Variants in DACH1 observed in about 807,000 individuals in gnomAD.
The protein encoded by DACH1 is dachshund family transcription factor 1.
A neutral mutation model predicts 54.2 loss-of-function variants in DACH1; 12 were observed. The observed-to-expected ratio is 0.22, with a 90% confidence interval of 0.14 to 0.36. The LOEUF (loss-of-function observed/expected upper bound fraction) is 0.36. Ranked by LOEUF, DACH1 falls within the 10% of genes least tolerant of loss-of-function variation. The pLI is 1.00. For missense variants in DACH1, 805 were observed against 929.8 expected (o/e 0.87, Z 1.75); for synonymous variants, 386 against 366.2 (o/e 1.05, Z -0.62).
intron 6 of DACH1, among the ~76,000 whole-genome samples, chr13:71,506,862 G>T (rs1407077150): frequency 2.6e-5 from 4 of 151,300 alleles, no homozygotes; most frequent in Non-Finnish European, 5.9e-5. Flanking sequence ...TATGTAGAAA[G>T]CTGAAACTGG....
At chr13:71,790,245 G>A (rs954596441) in intron 1 of DACH1, among the ~76,000 whole-genome samples, 2 of 151,968 alleles carry the variant, frequency 1.3e-5, no homozygotes, top group Non-Finnish European at 2.9e-5. Flanking sequence ...AAAAACAAAC[G>A]AATGCTTTAG....
At chr13:71,532,519 T>A (rs1452251152) in intron 6 of DACH1, among the ~76,000 whole-genome samples, 1 of 151,886 alleles carries the variant, frequency 6.6e-6, no homozygotes, top group Non-Finnish European at 1.5e-5. Context: ...TAAAAATGAA[T>A]AAATATATAC....
At chr13:71,748,530 C>T (rs1029107112) in intron 1 of DACH1, among the ~76,000 whole-genome samples, 1 of 152,158 alleles carries the variant, frequency 6.6e-6, no homozygotes, top group Non-Finnish European at 1.5e-5. Context: ...TTTCCATCAT[C>T]CCCAGAACAT....
chr13:71,786,290 A>T (rs1305893100), intron 1 of DACH1, among the ~76,000 whole-genome samples: 1 of 152,168 alleles, frequency 6.6e-6, no homozygotes, highest in Non-Finnish European at 1.5e-5. Context: ...TTATAGATCG[A>T]TATAGCTTCT....
intron 1 of DACH1, among the ~76,000 whole-genome samples, chr13:71,735,429 A>G (rs74201330): frequency 3.9e-5 from 1 of 25,666 alleles, no homozygotes; most frequent in African/African-American, 8.9e-5. Context: ...TGGGATATAC[A>G]CGTATACGGA....
chr13:71,829,231 T>C (rs1888495433), intron 1 of DACH1, among the ~76,000 whole-genome samples: 1 of 151,910 alleles, frequency 6.6e-6, no homozygotes, highest in Non-Finnish European at 1.5e-5. Context: ...TGTATTGAAG[T>C]CATCATCGGG....
intron 1 of DACH1, among the ~76,000 whole-genome samples, chr13:71,802,479 A>T (rs913542704): frequency 1.3e-5 from 2 of 152,110 alleles, no homozygotes; most frequent in Non-Finnish European, 2.9e-5. Context: ...AGAAAGACAA[A>T]GAATTAGAAA....
intron 1 of DACH1, among the ~76,000 whole-genome samples, chr13:71,859,678 C>A (rs975753410): frequency 6.6e-6 from 1 of 151,774 alleles, no homozygotes; most frequent in African/African-American, 2.4e-5. Context: ...AGTAATCCAC[C>A]AGTAATCTAA....
At chr13:71,706,191 T>A (rs1882431966) in intron 1 of DACH1, among the ~76,000 whole-genome samples, 2 of 151,910 alleles carry the variant, frequency 1.3e-5, no homozygotes, top group African/African-American at 4.8e-5. Flanking sequence ...TTTTATTATG[T>A]ACAACTTCCT....
At chr13:71,612,597 A>G (rs1566378013) in intron 3 of DACH1, among the ~76,000 whole-genome samples, 1 of 152,202 alleles carries the variant, frequency 6.6e-6, no homozygotes, top group Non-Finnish European at 1.5e-5. Context: ...ATGTCAAGCA[A>G]AAAACGATCT....
At chr13:71,791,702 T>C (rs1265298806) in intron 1 of DACH1, among the ~76,000 whole-genome samples, 1 of 152,168 alleles carries the variant, frequency 6.6e-6, no homozygotes, top group Non-Finnish European at 1.5e-5. Flanking sequence ...GAACTATTCT[T>C]AAAAGTACTA....
chr13:71,462,871 T>TAC (rs374818301), intron 10 of DACH1, among the ~76,000 whole-genome samples: 1,757 of 102,862 alleles, frequency 0.017, 29 homozygotes, highest in Admixed American at 0.049. Flanking sequence ...TCTATCTATC[T>TAC]ACACACACAC....
intron 3 of DACH1, among the ~76,000 whole-genome samples, chr13:71,630,304 C>T (rs1360143944): frequency 6.6e-6 from 1 of 152,088 alleles, no homozygotes; most frequent in Non-Finnish European, 1.5e-5. Flanking sequence ...AAGATGTTAG[C>T]TGAATGATTT....
chr13:71,445,599 T>C lies in DACH1; in HGVS notation c.2084-4907A>G, dbSNP rs568225395. On this transcript the variant is annotated intron_variant, in intron 10 of 10. Transcript: ENST00000613252. ...CTTCAGAATCCACCGGAGGCAGAAA[T>C]GCACCACGCACAGACAGACCCTTGA... Among the ~76,000 whole-genome samples, 14 of 152,272 alleles carry C rather than the reference T, an allele frequency of 9.2e-5. No homozygotes were observed. The East Asian group carries it at 2.7e-3, about 29-fold the overall frequency.
intron 3 of DACH1, among the ~76,000 whole-genome samples, chr13:71,610,470 T>C (rs1875238879): frequency 6.6e-6 from 1 of 152,138 alleles, no homozygotes; most frequent in African/African-American, 2.4e-5. Flanking sequence ...CTATTATATA[T>C]GAGAACAAAC....
intron 2 of DACH1, among the ~76,000 whole-genome samples, chr13:71,677,699 T>C (rs1018643082): frequency 1.3e-5 from 2 of 152,022 alleles, no homozygotes; most frequent in African/African-American, 4.8e-5. Flanking sequence ...ACTGAATCAA[T>C]AGGTGTTGTT....
intron 1 of DACH1, among the ~76,000 whole-genome samples, chr13:71,684,626 T>C (rs189697028): frequency 3.3e-5 from 5 of 152,258 alleles, no homozygotes; most frequent in South Asian, 2.1e-4. Flanking sequence ...TGCTCTACGA[T>C]AGAGCATGGG....
intron 1 of DACH1, among the ~76,000 whole-genome samples, chr13:71,714,802 T>G (rs1882893749): frequency 6.6e-6 from 1 of 152,070 alleles, no homozygotes; most frequent in Non-Finnish European, 1.5e-5. Flanking sequence ...TTTTTAAAAA[T>G]GTATTTTAAA....
chr13:71,729,624 A>G (rs1883646014), intron 1 of DACH1, among the ~76,000 whole-genome samples: 1 of 152,224 alleles, frequency 6.6e-6, no homozygotes, highest in African/African-American at 2.4e-5. Context: ...TATGCATAAC[A>G]ATGACAAACA....
Sources: gnomAD v4.1 joint callset for allele counts (sites outside exome capture counted in the v4.1 genomes callset) on GRCh38, gnomAD v4.1.1 for gene constraint, MANE v1.5 for transcripts, NCBI Gene and HGNC (gene_info 2026-07-23, HGNC 2026-07-21) for gene names.